The following AP4S1 variants were observed in gnomAD, a reference collection of about 807,000 sequenced individuals.
AP4S1 encodes AP-4 complex subunit sigma-1.
Under a neutral mutation model 19.8 loss-of-function variants are expected in AP4S1, and 23 were observed. The ratio of observed to expected loss-of-function variants is 1.16; its 90% confidence interval spans 0.84 to 1.65. The LOEUF (loss-of-function observed/expected upper bound fraction) is 1.65. AP4S1 is among the 40% of genes most tolerant of loss of function. The pLI is 0.00. For missense variants in AP4S1, 166 were observed against 172.8 expected (o/e 0.96, Z 0.22); for synonymous variants, 46 against 54.1 (o/e 0.85, Z 0.66).
At chr14:31,025,178 T>C (rs1262149494), upstream of AP4S1, 1 of 151,972 alleles carries the variant, frequency 6.6e-6, no homozygotes, top group Non-Finnish European at 1.5e-5. Flanking sequence ...AAGAAACGGA[T>C]GGGGGAAAGG....
rs1318374039 is a variant in AP4S1, at chr14:31,066,118, T to C, written c.-71-8T>C. ...GCCTTTCTGGTTTTGTTTGTTTTTGTCTTCAAGGTTCCAGTTACAGCCATC... is the reference window on the plus strand; with the variant it reads ...GCCTTTCTGGTTTTGTTTGTTTTTGCCTTCAAGGTTCCAGTTACAGCCATC... On this transcript the variant is annotated splice_region_variant and splice_polypyrimidine_tract_variant and intron_variant, in intron 1 of 5. Coordinates refer to ENST00000542754, the MANE Select transcript of AP4S1 (RefSeq NM_001128126.3). 1 of 1,403,536 alleles carries C rather than the reference T, an allele frequency of 7.1e-7. No homozygotes were observed. Among genetic ancestry groups the C allele is most frequent in the Admixed American group, 1.8e-5 (1 of 55,814 alleles). 86.9% of individuals were successfully genotyped at this position (1,403,536 alleles called of 1,614,324 possible).
intron 1 of AP4S1, chr14:31,026,186 TGTGTGTGGGG>T: frequency 6.9e-7 from 1 of 1,455,976 alleles, no homozygotes; most frequent in Non-Finnish European, 9.0e-7. Context: ...GCTCGTCCAT[TGTGTGTGGGG>T]CCCCGGCCGG....
intron 1 of AP4S1, among the ~76,000 whole-genome samples, chr14:31,029,281 T>C (rs1884241605): frequency 6.6e-6 from 1 of 152,232 alleles, no homozygotes; most frequent in Non-Finnish European, 1.5e-5. Context: ...AACAAAGGTA[T>C]GATTCTGTCA....
chr14:31,062,997 A>C (rs12892791), intron 1 of AP4S1, among the ~76,000 whole-genome samples: 16,507 of 151,558 alleles, frequency 0.11, 1,235 homozygotes, highest in Non-Finnish European at 0.16. Context: ...CTAGGAATTT[A>C]TGTTATAAGC....
At chr14:31,026,630 G>C (rs1324944447) in intron 1 of AP4S1, 1 of 157,846 alleles carries the variant, frequency 6.3e-6, no homozygotes, top group Non-Finnish European at 1.4e-5. Context: ...CCTCAGACCC[G>C]ATCCGGTGTC....
At chr14:31,028,230 T>C (rs1184416774) in intron 1 of AP4S1, among the ~76,000 whole-genome samples, 2 of 152,050 alleles carry the variant, frequency 1.3e-5, no homozygotes, top group Non-Finnish European at 2.9e-5. Context: ...TGGGCTGGAA[T>C]GCAGTGGTGT....
At position 31,093,482 on chromosome 14, in the gene AP4S1, AC is replaced by A. The variant is rs1247029508; in HGVS notation, c.*448del. 5 of 153,154 alleles carry A rather than the reference AC, an allele frequency of 3.3e-5. No homozygotes were observed. The highest frequency in any genetic ancestry group is 1.2e-4 in the African/African-American group (5 of 40,722). The allele number at this position is 153,154 out of a possible 1,614,324, so 9.5% of individuals were successfully genotyped here. A position where few individuals can be genotyped will look rare whatever the true frequency, so the allele number is the denominator to read the frequency against. On this transcript the variant is annotated 3_prime_UTR_variant, in exon 6 of 6. Coordinates refer to ENST00000542754, the MANE Select transcript of AP4S1 (RefSeq NM_001128126.3). Reference sequence around the variant, plus strand: ...TGAAAGCTATTTTTTTTTTTTTGAGACGGAGTCTAGTCTAGCTGTGTCACCT... The same window carrying A: ...TGAAAGCTATTTTTTTTTTTTTGAGAGGAGTCTAGTCTAGCTGTGTCACCT...
intron 4 of AP4S1, among the ~76,000 whole-genome samples, chr14:31,078,410 T>G (rs760941479): frequency 2.6e-5 from 4 of 152,164 alleles, no homozygotes; most frequent in Non-Finnish European, 4.4e-5. Context: ...AATCTCCACA[T>G]GAGGTTGGTG....
At chr14:31,028,656 T>C (rs1274469179) in intron 1 of AP4S1, among the ~76,000 whole-genome samples, 2 of 151,780 alleles carry the variant, frequency 1.3e-5, no homozygotes, top group Admixed American at 6.6e-5. Context: ...CTCACACCTA[T>C]AATCCCAGCA....
intron 1 of AP4S1, among the ~76,000 whole-genome samples, chr14:31,052,023 C>A (rs1010639307): frequency 6.6e-6 from 1 of 152,138 alleles, no homozygotes; most frequent in African/African-American, 2.4e-5. Flanking sequence ...ATAATGCCAG[C>A]ACTTTGGGAG....
At chr14:31,043,466 G>A (rs2139459090) in intron 1 of AP4S1, among the ~76,000 whole-genome samples, 1 of 152,250 alleles carries the variant, frequency 6.6e-6, no homozygotes, top group Non-Finnish European at 1.5e-5. Flanking sequence ...GTTTCTTGAA[G>A]TCAAATTTCA....
intron 1 of AP4S1, among the ~76,000 whole-genome samples, chr14:31,064,663 G>A (rs989429616): frequency 5.9e-5 from 9 of 151,982 alleles, no homozygotes; most frequent in African/African-American, 2.2e-4. Context: ...TGACCTTAAA[G>A]TAAGGATAAC....
At chr14:31,088,854 C>T (rs1052372539) in intron 5 of AP4S1, among the ~76,000 whole-genome samples, 4 of 139,322 alleles carry the variant, frequency 2.9e-5, no homozygotes, top group Admixed American at 1.5e-4. Flanking sequence ...GCCTCATTAG[C>T]AAGAGACAAA....
At chr14:31,092,092 A>G (rs983847660) in intron 5 of AP4S1, among the ~76,000 whole-genome samples, 16 of 152,216 alleles carry the variant, frequency 1.1e-4, no homozygotes, top group African/African-American at 3.9e-4. Context: ...CTAACTTCCC[A>G]GTAAGAACAC....
intron 1 of AP4S1, among the ~76,000 whole-genome samples, chr14:31,053,392 A>C (rs891818247): frequency 1.3e-5 from 2 of 152,098 alleles, no homozygotes; most frequent in African/African-American, 4.8e-5. Flanking sequence ...ACCAAAGGTC[A>C]AGTCCTGGAA....
At chr14:31,080,706 A>C in intron 5 of AP4S1, 122 bp downstream of exon 5, 1 of 1,378,920 alleles carries the variant, frequency 7.3e-7, no homozygotes, top group Non-Finnish European at 1.0e-6. Context: ...ACCAACAACT[A>C]TGACAAGACA....
chr14:31,070,773 C>G (rs1326013707), intron 3 of AP4S1, among the ~76,000 whole-genome samples: 2 of 152,174 alleles, frequency 1.3e-5, no homozygotes, highest in African/African-American at 4.8e-5. Context: ...TGGGCTGAGG[C>G]CGGGCGCGGT....
chr14:31,051,079 A>AC (rs1409411958), intron 1 of AP4S1, among the ~76,000 whole-genome samples: 2 of 150,970 alleles, frequency 1.3e-5, no homozygotes, highest in Non-Finnish European at 3.0e-5. Flanking sequence ...ACAAAGCAAG[A>AC]CCCCATCTCC....
intron 5 of AP4S1, among the ~76,000 whole-genome samples, chr14:31,092,158 G>T (rs1212979810): frequency 6.6e-6 from 1 of 152,202 alleles, no homozygotes. Context: ...CTACCCATTT[G>T]TAAGAGATAC....
Sources: gnomAD v4.1 joint callset for allele counts (sites outside exome capture counted in the v4.1 genomes callset) on GRCh38, gnomAD v4.1.1 for gene constraint, MANE v1.5 for transcripts, NCBI Gene and HGNC (gene_info 2026-07-23, HGNC 2026-07-21) for gene names.